LIMS1: variants seen among roughly 807,000 people sequenced by gnomAD.
The protein encoded by LIMS1 is LIM and senescent cell antigen-like-containing domain protein 1.
A neutral mutation model predicts 44.1 loss-of-function variants in LIMS1; 18 were observed. That is an observed-to-expected ratio of 0.41 (90% CI 0.28 to 0.61). The LOEUF is 0.61. Ranked by LOEUF, LIMS1 falls within the 20% of genes least tolerant of loss-of-function variation. The pLI is 0.32. For missense variants in LIMS1, 201 were observed against 422.0 expected, an observed-to-expected ratio of 0.48 and a Z score of 4.59; for synonymous variants, 93 against 149.1, an observed-to-expected ratio of 0.62 and a Z score of 2.74.
chr2:108,683,582 A>T (rs1693148743), intron 9 of LIMS1, among the ~76,000 whole-genome samples: 1 of 151,832 alleles, frequency 6.6e-6, no homozygotes, highest in Non-Finnish European at 1.5e-5. Flanking sequence ...ACTTAAGTTA[A>T]TTATATTTAC....
rs138086497 is a variant in LIMS1, at chr2:108,616,463, G to A, written c.33-43142G>A. 4.6e-3 allele frequency among the ~76,000 whole-genome samples: 700 copies of A among 152,152 alleles called. 2 individuals carry two copies. The highest frequency in any genetic ancestry group is 6.6e-3 in the Non-Finnish European group (450 of 67,986). ...TGGGCTCAAGCTGTCTGTTCACCTCGGCCTCCCACATTGCTGGGATCCCAG... is the reference window on the plus strand; with the variant it reads ...TGGGCTCAAGCTGTCTGTTCACCTCAGCCTCCCACATTGCTGGGATCCCAG... On this transcript the variant is annotated intron_variant, in intron 1 of 9. Transcript: ENST00000544547.
chr2:108,623,049 G>A (rs1301275392), intron 1 of LIMS1, among the ~76,000 whole-genome samples: 1 of 136,050 alleles, frequency 7.4e-6, no homozygotes, highest in African/African-American at 2.7e-5. Context: ...TGTTCTAGTT[G>A]TTTAAAGAGA....
chr2:108,553,231 G>A (rs1398439192), intron 1 of LIMS1, among the ~76,000 whole-genome samples: 1 of 152,210 alleles, frequency 6.6e-6, no homozygotes, highest in African/African-American at 2.4e-5. Flanking sequence ...GATGCAGCCT[G>A]GGTGCAGATA....
At chr2:108,658,731 C>T (rs1398295666) in intron 1 of LIMS1, among the ~76,000 whole-genome samples, 1 of 152,292 alleles carries the variant, frequency 6.6e-6, no homozygotes. Context: ...GGGGAATTTC[C>T]CACGTCACCA....
At chr2:108,599,287 T>C (rs892215457) in intron 1 of LIMS1, among the ~76,000 whole-genome samples, 7 of 152,174 alleles carry the variant, frequency 4.6e-5, no homozygotes, top group Non-Finnish European at 1.0e-4. Flanking sequence ...TGAGAACAAA[T>C]GATGTTTGTC....
chr2:108,612,792 T>G (rs1338342753), intron 1 of LIMS1, among the ~76,000 whole-genome samples: 1 of 152,058 alleles, frequency 6.6e-6, no homozygotes, highest in Non-Finnish European at 1.5e-5. Context: ...CTGGCTGAGG[T>G]GTCTGGGTGG....
intron 1 of LIMS1, among the ~76,000 whole-genome samples, chr2:108,581,075 C>T (rs1410105824): frequency 6.6e-6 from 1 of 152,118 alleles, no homozygotes; most frequent in Non-Finnish European, 1.5e-5. Context: ...TGCTTCCCTA[C>T]CTTAGGCAGG....
At chr2:108,658,739 C>A (rs1462000665) in intron 1 of LIMS1, among the ~76,000 whole-genome samples, 1 of 152,304 alleles carries the variant, frequency 6.6e-6, no homozygotes, top group South Asian at 2.1e-4. Flanking sequence ...TCCCACGTCA[C>A]CAGCCGCAGC....
intron 1 of LIMS1, among the ~76,000 whole-genome samples, chr2:108,637,639 CAG>C (rs1235653822): frequency 6.6e-6 from 1 of 152,212 alleles, no homozygotes; most frequent in East Asian, 1.9e-4. Flanking sequence ...ATTGGAAACA[CAG>C]CTTCCTCTAA....
intron 1 of LIMS1, among the ~76,000 whole-genome samples, chr2:108,632,609 T>G (rs1033902657): frequency 6.6e-6 from 1 of 152,248 alleles, no homozygotes; most frequent in East Asian, 1.9e-4. Flanking sequence ...TGGGGCCAAA[T>G]GAATGGTAAG....
At chr2:108,566,421 T>C (rs1685290632) in intron 1 of LIMS1, among the ~76,000 whole-genome samples, 1 of 152,166 alleles carries the variant, frequency 6.6e-6, no homozygotes, top group African/African-American at 2.4e-5. Context: ...ATATTATTTA[T>C]ACCCTCATTT....
At chr2:108,617,165 G>C (rs546897398) in intron 1 of LIMS1, among the ~76,000 whole-genome samples, 2 of 152,148 alleles carry the variant, frequency 1.3e-5, no homozygotes, top group African/African-American at 2.4e-5. Flanking sequence ...TCTTAACTCT[G>C]TATAGGAGAA....
At chr2:108,669,864 T>G (rs537382025) in intron 2 of LIMS1, among the ~76,000 whole-genome samples, 2 of 152,310 alleles carry the variant, frequency 1.3e-5, no homozygotes, top group East Asian at 1.9e-4. Context: ...CATTTCACTA[T>G]CACTAAGATA....
intron 5 of LIMS1, among the ~76,000 whole-genome samples, chr2:108,674,276 G>C (rs1692357991): frequency 6.6e-6 from 1 of 152,118 alleles, no homozygotes; most frequent in Non-Finnish European, 1.5e-5. Flanking sequence ...GTTGCAGTGA[G>C]CTGAGATCGC....
chr2:108,645,518 G>A (rs1403563764), intron 1 of LIMS1, among the ~76,000 whole-genome samples: 3 of 152,074 alleles, frequency 2.0e-5, no homozygotes, highest in Admixed American at 6.5e-5. Context: ...AGGAACAACC[G>A]GTACGAGCCA....
rs116203860 is a variant in LIMS1 at position 108,585,373 on chromosome 2, G to A, written c.32+50779G>A. Among the ~76,000 whole-genome samples, 467 of 152,180 alleles carry A rather than the reference G, an allele frequency of 3.1e-3. 1 individual carries two copies. Among genetic ancestry groups the A allele is most frequent in the African/African-American group, 0.01 (419 of 41,532 alleles). ...GCTGCGGCATGCCTGCTTGGATAAC[G>A]TCGCCATGCCTGAGAGAGGGCACAT... On this transcript the variant is annotated intron_variant, in intron 1 of 9. Coordinates refer to ENST00000544547, the Ensembl canonical transcript of LIMS1.
chr2:108,576,121 T>G (rs925823212), intron 1 of LIMS1, among the ~76,000 whole-genome samples: 10 of 152,178 alleles, frequency 6.6e-5, no homozygotes, highest in Non-Finnish European at 1.3e-4. Flanking sequence ...GTTTTAGTAT[T>G]TATGTATGTG....
chr2:108,629,321 T>G (rs1688762611), intron 1 of LIMS1, among the ~76,000 whole-genome samples: 2 of 152,204 alleles, frequency 1.3e-5, no homozygotes, highest in Non-Finnish European at 2.9e-5. Context: ...AAGTTTCTTC[T>G]CTATGAATGA....
At chr2:108,588,982 T>G (rs1296941953) in intron 1 of LIMS1, among the ~76,000 whole-genome samples, 19 of 152,236 alleles carry the variant, frequency 1.2e-4, no homozygotes, top group Admixed American at 1.2e-3. Context: ...TGCAGAGCCT[T>G]CTATAAAAGA....
Sources: gnomAD v4.1 joint callset for allele counts (sites outside exome capture counted in the v4.1 genomes callset) on GRCh38, gnomAD v4.1.1 for gene constraint, MANE v1.5 for transcripts, NCBI Gene and HGNC (gene_info 2026-07-23, HGNC 2026-07-21) for gene names.